The following RSPO4 variants were observed in gnomAD, a reference collection of about 807,000 sequenced individuals.
The protein encoded by RSPO4 is R-spondin 4, also known as R-spondin-4.
RSPO4 carries 23 observed loss-of-function variants against 24.8 expected under a neutral mutation model. The ratio of observed to expected loss-of-function variants is 0.93; its 90% CI spans 0.67 to 1.31. The LOEUF is 1.31. RSPO4 is among the 40% of genes most tolerant of loss of function. The pLI is 0.00. For synonymous variants in RSPO4, 141 were observed against 127.4 expected, an observed-to-expected ratio of 1.11 and a Z score of -0.72; for missense variants, 333 against 316.5, an observed-to-expected ratio of 1.05 and a Z score of -0.39.
At chr20:995,093 A>G (rs1187665730) in intron 1 of RSPO4, among the ~76,000 whole-genome samples, 1 of 152,116 alleles carries the variant, frequency 6.6e-6, no homozygotes, top group African/African-American at 2.4e-5. Context: ...TCCCTGCTTG[A>G]GTCTCCAATT....
At chr20:989,918 G>A (rs973926168) in intron 1 of RSPO4, among the ~76,000 whole-genome samples, 1 of 152,208 alleles carries the variant, frequency 6.6e-6, no homozygotes, top group African/African-American at 2.4e-5. Flanking sequence ...GGCTAATGCT[G>A]GCTGAGTGTT....
At chr20:968,242 C>T in intron 1 of RSPO4, 104 bp from the exon 2 acceptor site, 1 of 983,342 alleles carries the variant, frequency 1.0e-6, no homozygotes. Flanking sequence ...TAACTGGGCA[C>T]ATGGCCACCC....
chr20:973,107 C>T lies in RSPO4; in HGVS notation c.80-4969G>A, dbSNP rs114238457. Reference sequence around the variant, plus strand: ...GGTGGACCCACATCACTCTGCCCCACGCTGCCCTCTTAGAGCATCTGTCCA... The same window carrying T: ...GGTGGACCCACATCACTCTGCCCCATGCTGCCCTCTTAGAGCATCTGTCCA... On this transcript the variant is annotated intron_variant, in intron 1 of 4. Transcript: ENST00000217260. Among the ~76,000 whole-genome samples the T allele has an allele frequency of 6.0e-3, 915 of 152,320 alleles. 11 individuals are homozygous for T. Among genetic ancestry groups the T allele is most frequent in the African/African-American group, 0.021 (853 of 41,568 alleles).
chr20:974,910 A>T (rs1984516203), intron 1 of RSPO4, among the ~76,000 whole-genome samples: 1 of 152,166 alleles, frequency 6.6e-6, no homozygotes, highest in Admixed American at 6.5e-5. Flanking sequence ...CAACCAGATG[A>T]TTCCCGACTA....
intron 1 of RSPO4, among the ~76,000 whole-genome samples, chr20:999,109 C>G (rs1249731915): frequency 1.3e-5 from 2 of 151,954 alleles, no homozygotes; most frequent in Admixed American, 6.5e-5. Flanking sequence ...CCCACTTCGG[C>G]TTCCTAAGTA....
chr20:966,817 T>A (rs1230113643), intron 3 of RSPO4, among the ~76,000 whole-genome samples: 1 of 152,164 alleles, frequency 6.6e-6, no homozygotes, highest in African/African-American at 2.4e-5. Flanking sequence ...ATCATGCCAC[T>A]GCACTCCAGC....
At chr20:995,757 C>A (rs1345909071) in intron 1 of RSPO4, among the ~76,000 whole-genome samples, 3 of 152,196 alleles carry the variant, frequency 2.0e-5, no homozygotes, top group Non-Finnish European at 2.9e-5. Flanking sequence ...CCCCTTACAG[C>A]TGTCAGGAGG....
At chr20:968,276 C>T (rs6133648) in intron 1 of RSPO4, 138 bp from the exon 2 acceptor site, 19 of 727,342 alleles carry the variant, frequency 2.6e-5, no homozygotes, top group Non-Finnish European at 3.7e-5. Context: ...CATTTCCCAC[C>T]TTCCCTTACA....
chr20:986,827 T>G (rs1984937817), intron 1 of RSPO4, among the ~76,000 whole-genome samples: 1 of 152,006 alleles, frequency 6.6e-6, no homozygotes, highest in Non-Finnish European at 1.5e-5. Flanking sequence ...GGAGGGAGAA[T>G]GGGCAAAGAC....
At chr20:989,387 G>T (rs1328171011) in intron 1 of RSPO4, among the ~76,000 whole-genome samples, 1 of 152,256 alleles carries the variant, frequency 6.6e-6, no homozygotes, top group Non-Finnish European at 1.5e-5. Context: ...AGGGTAAAGT[G>T]AGGTAATAAC....
intron 1 of RSPO4, among the ~76,000 whole-genome samples, chr20:982,074 A>C (rs567944924): frequency 2.0e-5 from 3 of 152,298 alleles, no homozygotes; most frequent in African/African-American, 7.2e-5. Context: ...AATCATATTA[A>C]AGAAAAAAGG....
In RSPO4 at chr20:967,235, C is replaced by T. The variant is rs755439339; in HGVS notation, c.348G>A (p.Gly116=). 2.2e-5 allele frequency: 35 copies of T among 1,614,110 alleles called. 1 individual carries two copies. In the South Asian group the frequency reaches 3.7e-4, roughly 17 times the overall value. Reference sequence around the variant, plus strand: ...CCGGCGGGCAGGTGGGCAGACACTTCCCCTTGTACAAGTAAAACTGCCTCT... The same window carrying T: ...CCGGCGGGCAGGTGGGCAGACACTTTCCCTTGTACAAGTAAAACTGCCTCT... ...RCKRQFYLYK[G]KCLPTCPPGT... The change falls in exon 3 of 5, where the codon GGG becomes GGA. Residue 116 remains glycine, a synonymous_variant. Coordinates refer to ENST00000217260, the MANE Select transcript of RSPO4 (RefSeq NM_001029871.4).
intron 1 of RSPO4, among the ~76,000 whole-genome samples, chr20:982,790 C>G (rs1334891756): frequency 6.6e-6 from 1 of 152,242 alleles, no homozygotes; most frequent in Non-Finnish European, 1.5e-5. Flanking sequence ...TAAATGCTGG[C>G]TGCTAATTCC....
Position 959,187 on chromosome 20 carries a change from G to GT in RSPO4, c.*1169dup, listed in dbSNP as rs1983903271. The GT allele has an allele frequency of 8.2e-6, 1 of 122,248 alleles. No homozygotes were observed. Among genetic ancestry groups the GT allele is most frequent in the African/African-American group, 3.3e-5 (1 of 30,208 alleles). The allele number at this position is 122,248 out of a possible 1,614,324, so 7.6% of individuals were successfully genotyped here. On this transcript the variant is annotated 3_prime_UTR_variant, in exon 5 of 5. Coordinates refer to ENST00000217260, the MANE Select transcript of RSPO4 (RefSeq NM_001029871.4). ...GGTGTGGGCAAGTGTGGGGGTGGGT[G>GT]TCAGCGTGTGGGGGTGGGTGTCAGC...
chr20:990,170 C>T (rs73571666), intron 1 of RSPO4, among the ~76,000 whole-genome samples: 3,299 of 152,252 alleles, frequency 0.022, 125 homozygotes, highest in African/African-American at 0.075. Flanking sequence ...CCCTGCCAAC[C>T]CCTGCCAGCT....
chr20:978,139 G>A (rs566796007), intron 1 of RSPO4, among the ~76,000 whole-genome samples: 2 of 152,180 alleles, frequency 1.3e-5, no homozygotes, highest in Non-Finnish European at 2.9e-5. Context: ...CTCAGGAGGT[G>A]GGGGGACCAG....
At chr20:977,546 T>C (rs944307218) in intron 1 of RSPO4, among the ~76,000 whole-genome samples, 1 of 152,176 alleles carries the variant, frequency 6.6e-6, no homozygotes, top group Non-Finnish European at 1.5e-5. Flanking sequence ...CTGCCCTGCC[T>C]GTGTTGGCAT....
chr20:976,970 G>A (rs6056363), intron 1 of RSPO4, among the ~76,000 whole-genome samples: 1 of 152,104 alleles, frequency 6.6e-6, no homozygotes, highest in African/African-American at 2.4e-5. Context: ...ACATAAATAA[G>A]GCATATGTTC....
chr20:1,001,689 A>G (rs896096538), intron 1 of RSPO4, among the ~76,000 whole-genome samples: 1 of 152,048 alleles, frequency 6.6e-6, no homozygotes, highest in East Asian at 1.9e-4. Context: ...AAGGCTCTCT[A>G]TGTCACTTCC....
Sources: allele counts gnomAD v4.1 joint callset (sites outside exome capture counted in the v4.1 genomes callset), GRCh38; gene constraint gnomAD v4.1.1; transcripts MANE v1.5; gene names NCBI Gene and HGNC (gene_info 2026-07-23, HGNC 2026-07-21).